Variants in PDE1C observed in about 807,000 individuals in gnomAD.
PDE1C encodes the protein dual specificity calcium/calmodulin-dependent 3',5'-cyclic nucleotide phosphodiesterase 1C.
Under a neutral mutation model 93.1 loss-of-function variants are expected in PDE1C, and 62 were observed. The observed-to-expected ratio is 0.67, with a 90% CI of 0.54 to 0.82. PDE1C has a LOEUF of 0.82. Ranked by LOEUF, PDE1C falls within the 40% of genes least tolerant of loss-of-function variation. The pLI, the probability that PDE1C is intolerant of heterozygous loss-of-function variation, is 0.00. For missense variants in PDE1C, 742 were observed against 884.6 expected, an observed-to-expected ratio of 0.84 and a Z score of 2.04; for synonymous variants, 325 against 310.1, an observed-to-expected ratio of 1.05 and a Z score of -0.50.
intron 1 of PDE1C, among the ~76,000 whole-genome samples, chr7:32,269,258 G>T (rs968216612): frequency 1.3e-5 from 2 of 152,154 alleles, no homozygotes; most frequent in East Asian, 3.8e-4. Context: ...GAGCCAGGGG[G>T]GGTGAGATGC....
chr7:32,203,741 T>C (rs1174960545), intron 2 of PDE1C, among the ~76,000 whole-genome samples: 3 of 152,318 alleles, frequency 2.0e-5, no homozygotes, highest in African/African-American at 7.2e-5. Flanking sequence ...ATTCTGCTCA[T>C]GTCTACCCTC....
intron 17 of PDE1C, among the ~76,000 whole-genome samples, chr7:31,770,250 T>G (rs1795398792): frequency 6.6e-6 from 1 of 152,216 alleles, no homozygotes; most frequent in Non-Finnish European, 1.5e-5. Context: ...AATTGGGTCG[T>G]CTTTTTATTG....
intron 7 of PDE1C, among the ~76,000 whole-genome samples, chr7:31,862,129 C>T (rs1794759361): frequency 6.6e-6 from 1 of 152,208 alleles, no homozygotes; most frequent in African/African-American, 2.4e-5. Flanking sequence ...ACACAATTAT[C>T]TCAGCTTAAA....
At chr7:31,798,983 G>C (rs1785654658) in intron 16 of PDE1C, among the ~76,000 whole-genome samples, 1 of 151,646 alleles carries the variant, frequency 6.6e-6, no homozygotes, top group Non-Finnish European at 1.5e-5. Context: ...AAGTAGTATG[G>C]GGACATTTTT....
the PDE1C span, among the ~76,000 whole-genome samples, chr7:31,701,683 T>C: frequency 6.6e-6 from 1 of 152,348 alleles, no homozygotes; most frequent in South Asian, 2.1e-4. Flanking sequence ...CACTGTCATC[T>C]TGAGAGATTG....
chr7:31,910,406 A>T (rs1014432735), intron 2 of PDE1C, among the ~76,000 whole-genome samples: 1 of 152,092 alleles, frequency 6.6e-6, no homozygotes. Flanking sequence ...AACAATCTTA[A>T]TTGAGCTGTC....
At chr7:32,363,248 T>G (rs920224263) in intron 1 of PDE1C, among the ~76,000 whole-genome samples, 1 of 152,226 alleles carries the variant, frequency 6.6e-6, no homozygotes. Context: ...TCTCATTGTA[T>G]GTAAGTGTAA....
chr7:31,851,623 C>T (rs1412258391), intron 7 of PDE1C, among the ~76,000 whole-genome samples: 3 of 152,214 alleles, frequency 2.0e-5, no homozygotes, highest in Non-Finnish European at 4.4e-5. Context: ...CCTTTGCTCA[C>T]TTTTGCTACT....
At chr7:32,203,888 G>A (rs1471116207) in intron 2 of PDE1C, among the ~76,000 whole-genome samples, 1 of 151,990 alleles carries the variant, frequency 6.6e-6, no homozygotes, top group Non-Finnish European at 1.5e-5. Context: ...TAGAAAATTC[G>A]CTCTCCCTGT....
chr7:32,075,484 G>C (rs1349171043), upstream of PDE1C, among the ~76,000 whole-genome samples: 1 of 152,128 alleles, frequency 6.6e-6, no homozygotes, highest in Non-Finnish European at 1.5e-5. Flanking sequence ...TGTGGGGAAA[G>C]GGGCCTCTTT....
intron 1 of PDE1C, among the ~76,000 whole-genome samples, chr7:32,068,651 T>C (rs1324771026): frequency 2.6e-5 from 4 of 152,196 alleles, no homozygotes; most frequent in Non-Finnish European, 5.9e-5. Context: ...GACGCAGTGT[T>C]GTAAGTGCTA....
At position 32,025,121 on chromosome 7, in the gene PDE1C, G is replaced by A. The variant is rs148267245; in HGVS notation, c.128+26433C>T. Among the ~76,000 whole-genome samples, 167 of 152,196 alleles carry A rather than the reference G, an allele frequency of 1.1e-3. 1 individual carries two copies. Among genetic ancestry groups the A allele is most frequent in the African/African-American group, 3.8e-3 (159 of 41,558 alleles). On this transcript the variant is annotated intron_variant, in intron 2 of 17. Coordinates refer to ENST00000396191, the MANE Select transcript of PDE1C (RefSeq NM_001191057.4). ...GACCCCCAGGGTCAAAGCACACAGA[G>A]CAGAATCTGGGCCACAAGCTTGGAA...
the PDE1C span, among the ~76,000 whole-genome samples, chr7:31,660,265 T>C: frequency 6.6e-6 from 1 of 152,210 alleles, no homozygotes; most frequent in African/African-American, 2.4e-5. Context: ...TTTCTATAAA[T>C]GCTTATTAAA....
chr7:32,065,493 C>T (rs1795295150), intron 1 of PDE1C, among the ~76,000 whole-genome samples: 2 of 152,192 alleles, frequency 1.3e-5, no homozygotes, highest in South Asian at 4.1e-4. Context: ...TTCGCATCCC[C>T]CTGGAACTAT....
intron 2 of PDE1C, among the ~76,000 whole-genome samples, chr7:31,989,482 C>A (rs1357797828): frequency 3.3e-5 from 5 of 152,166 alleles, no homozygotes; most frequent in African/African-American, 9.7e-5. Context: ...TACATACACA[C>A]CCTAACCTGA....
intron 15 of PDE1C, among the ~76,000 whole-genome samples, chr7:31,810,321 CA>C (rs1423523186): frequency 6.6e-6 from 1 of 152,066 alleles, no homozygotes; most frequent in Non-Finnish European, 1.5e-5. Flanking sequence ...TTATTGAAGC[CA>C]AAAGATCCCA....
At chr7:31,649,740 C>A in the PDE1C span, among the ~76,000 whole-genome samples, 2 of 152,028 alleles carry the variant, frequency 1.3e-5, no homozygotes, top group Non-Finnish European at 2.9e-5. Flanking sequence ...ATGATCCAAC[C>A]CAGGATGCAA....
chr7:32,061,390 C>T (rs1417147292), intron 1 of PDE1C, among the ~76,000 whole-genome samples: 2 of 152,212 alleles, frequency 1.3e-5, no homozygotes, highest in Non-Finnish European at 2.9e-5. Context: ...GCGCTGTGGC[C>T]AGAACTGTGG....
At chr7:31,805,085 C>A (rs1026080478) in intron 16 of PDE1C, among the ~76,000 whole-genome samples, 1 of 151,720 alleles carries the variant, frequency 6.6e-6, no homozygotes, top group African/African-American at 2.4e-5. Context: ...TTCCCCTGCA[C>A]ACACTTTCTT....
Sources: gnomAD v4.1 joint callset for allele counts (sites outside exome capture counted in the v4.1 genomes callset) on GRCh38, gnomAD v4.1.1 for gene constraint, MANE v1.5 for transcripts, NCBI Gene and HGNC (gene_info 2026-07-23, HGNC 2026-07-21) for gene names.